The following UNC93A variants were observed in gnomAD, a reference collection of about 807,000 sequenced individuals.
The protein encoded by UNC93A is unc-93 homolog A.
In UNC93A, 43 loss-of-function variants were observed where a neutral mutation model predicts 47.5. The ratio of observed to expected loss-of-function variants is 0.91; its 90% CI spans 0.71 to 1.17. UNC93A has a LOEUF of 1.17. Among genes scored for constraint, UNC93A ranks in the 50% most tolerant of loss-of-function variants. The probability of loss-of-function intolerance (pLI) is 0.00; values close to 1 mark genes in which losing one functional copy is unlikely to be tolerated. For missense variants in UNC93A, 605 were observed against 577.6 expected, an observed-to-expected ratio of 1.05 and a Z score of -0.49; for synonymous variants, 280 against 258.0, an observed-to-expected ratio of 1.09 and a Z score of -0.82.
rs775056459 is a variant in UNC93A, at chr6:167,303,868, C to T, written c.626-51C>T. 17 of 1,591,968 alleles carry T rather than the reference C, an allele frequency of 1.1e-5. No homozygotes were observed. In the East Asian group the frequency reaches 2.0e-4, roughly 19 times the overall value. On this transcript the variant is annotated intron_variant, in intron 4 of 7. Transcript: ENST00000230256. Reference sequence around the variant, plus strand: ...GACTGAAACAAATCCTTGCCAGGCACCCTGCCTCTGGGCCCCCATGAAAGC... The same window carrying T: ...GACTGAAACAAATCCTTGCCAGGCATCCTGCCTCTGGGCCCCCATGAAAGC...
In UNC93A at chr6:167,307,869, T is replaced by C. The variant is rs1330363153; in HGVS notation, c.1067T>C (p.Leu356Pro). The change falls in exon 7 of 8, where the codon CTG becomes CCG. Residue 356 changes from leucine to proline, a missense_variant. Coordinates refer to ENST00000230256, the MANE Select transcript of UNC93A (RefSeq NM_018974.4). ...GCAGTGTTCTTCGTATTCTCTGGCC[T>C]GTGGGGCGTGGCAGATGCCGTCTGG... is the stretch of plus-strand genomic sequence containing the variant. ...HLAVFFVFSG[L>P]WGVADAVWQT... is the part of the protein sequence containing the mutation. 1.6e-5 allele frequency: 26 copies of C among 1,613,862 alleles called. No homozygotes were observed. The highest frequency in any genetic ancestry group is 1.7e-5 in the Admixed American group (1 of 60,006).
chr6:167,301,016 A>T (rs143281743), intron 4 of UNC93A, among the ~76,000 whole-genome samples: 1 of 152,280 alleles, frequency 6.6e-6, no homozygotes, highest in Non-Finnish European at 1.5e-5. Flanking sequence ...GGAAAAAGCC[A>T]TAGACAACAT....
At chr6:167,292,981 G>GGAC (rs2115113703) in intron 1 of UNC93A, among the ~76,000 whole-genome samples, 1 of 152,280 alleles carries the variant, frequency 6.6e-6, no homozygotes, top group South Asian at 2.1e-4. Context: ...CTCAGCCACT[G>GGAC]TCTGAAAATT....
chr6:167,276,842 T>A lies in UNC93A; in HGVS notation c.-52+5384T>A, dbSNP rs1783552418. ...TCGTGGCCATCCCTGTCATCACACCTGGTTTCTGCTTTGACCTTTGGTACC... is the reference window on the plus strand; with the variant it reads ...TCGTGGCCATCCCTGTCATCACACCAGGTTTCTGCTTTGACCTTTGGTACC... On this transcript the variant is annotated intron_variant, in intron 1 of 3. Transcript: ENST00000503433. Among the ~76,000 whole-genome samples the A allele has an allele frequency of 1.3e-5, 2 of 152,256 alleles. 1 individual carries two copies. Among genetic ancestry groups the A allele is most frequent in the South Asian group, 4.1e-4 (2 of 4,834 alleles).
Position 167,305,923 on chromosome 6 carries a change from C to T in UNC93A, c.849C>T (p.Val283=), listed in dbSNP as rs1778373227. 1 of 1,614,152 alleles carries T rather than the reference C, an allele frequency of 6.2e-7. No homozygotes were observed. Among genetic ancestry groups the T allele is most frequent in the African/African-American group, 1.3e-5 (1 of 75,038 alleles). The change falls in exon 6 of 8, where the codon GTC becomes GTT. Residue 283 remains valine, a synonymous_variant. Coordinates refer to ENST00000230256, the MANE Select transcript of UNC93A (RefSeq NM_018974.4). ...TGCACCCCTCTCCCCAGTCCTATGT[C>T]ACCTGCACCCTGGGCATCCAGTTCG... ...FLSSEYTRSY[V]TCTLGIQFVG... is the part of the protein sequence containing the mutation.
chr6:167,313,336 T>G (rs1778607800), intron 7 of UNC93A, among the ~76,000 whole-genome samples: 2 of 152,110 alleles, frequency 1.3e-5, no homozygotes, highest in Admixed American at 1.3e-4. Context: ...GGTCCAGATT[T>G]TGGAACCAGA....
chr6:167,285,032 G>A (rs1430887728), intron 1 of UNC93A, among the ~76,000 whole-genome samples: 2 of 151,566 alleles, frequency 1.3e-5, no homozygotes, highest in Non-Finnish European at 2.9e-5. Context: ...TTTTCTCCTC[G>A]GCTGTGCCAG....
At chr6:167,309,260 C>G (rs1017413497) in intron 7 of UNC93A, among the ~76,000 whole-genome samples, 1 of 152,162 alleles carries the variant, frequency 6.6e-6, no homozygotes, top group Non-Finnish European at 1.5e-5. Flanking sequence ...CAAGGAGATG[C>G]GTGAGAGCGT....
At position 167,294,962 on chromosome 6, in the gene UNC93A, C is replaced by G. The variant is rs1778012897; in HGVS notation, c.269+264C>G. Among the ~76,000 whole-genome samples the G allele has an allele frequency of 2.0e-5, 3 of 152,164 alleles. No individual in the cohort carries two copies. In the East Asian group the frequency reaches 5.8e-4, roughly 29 times the overall value. ...CCCGATGCTGGCCTCTCCCTGGGAT[C>G]CGTCCTGGTCCTCAGCTCCCCTGGC... On this transcript the variant is annotated intron_variant, in intron 2 of 7. Coordinates refer to ENST00000230256, the MANE Select transcript of UNC93A (RefSeq NM_018974.4).
In UNC93A at chr6:167,293,509, G is replaced by A. The variant is rs544126984; in HGVS notation, c.88-1008G>A. On this transcript the variant is annotated intron_variant, in intron 1 of 7. Coordinates refer to ENST00000230256, the MANE Select transcript of UNC93A (RefSeq NM_018974.4). The stretch of plus-strand genomic sequence containing the variant: ...AGGACTGGCATGGGCAACACAGAGT[G>A]TTCAGATAGAAGTGACTCAGGATTG... Among the ~76,000 whole-genome samples the A allele has an allele frequency of 1.8e-4, 27 of 152,272 alleles. No individual in the cohort carries two copies. The South Asian group carries it at 5.6e-3, about 32-fold the overall frequency.
intron 5 of UNC93A, 99 bp from the exon 6 acceptor site, chr6:167,305,816 C>A (rs983185359): frequency 6.5e-7 from 1 of 1,545,510 alleles, no homozygotes; most frequent in African/African-American, 1.4e-5. Flanking sequence ...GCCTGCTGGC[C>A]ATCTCAGAGC....
intron 1 of UNC93A, among the ~76,000 whole-genome samples, chr6:167,284,640 T>C (rs1783690443): frequency 6.6e-6 from 1 of 152,290 alleles, no homozygotes; most frequent in Non-Finnish European, 1.5e-5. Context: ...TCAATATCAT[T>C]CATTAACTGA....
In UNC93A at chr6:167,272,931, C is replaced by T. The variant is rs117956574; in HGVS notation, c.-52+1473C>T. ...TGAGGTCTGTCCGGCCCCCACTTCC[C>T]GTCGTGGCCTGAACCAGACTCTCAG... On this transcript the variant is annotated intron_variant, in intron 1 of 3. Transcript: ENST00000503433. Among the ~76,000 whole-genome samples, 1,148 of 152,166 alleles carry T rather than the reference C, an allele frequency of 7.5e-3. 7 individuals carry two copies. The highest frequency in any genetic ancestry group is 0.041 in the Middle Eastern group (12 of 294).
intron 7 of UNC93A, among the ~76,000 whole-genome samples, chr6:167,313,732 G>T (rs1244362952): frequency 1.3e-5 from 2 of 152,092 alleles, no homozygotes; most frequent in Admixed American, 6.5e-5. Context: ...TTTAGCCACA[G>T]AACATGGCAT....
At position 167,303,941 on chromosome 6, in the gene UNC93A, G is replaced by A. The variant is rs1313696241; in HGVS notation, c.648G>A (p.Leu216=). 1 of 1,613,676 alleles carries A rather than the reference G, an allele frequency of 6.2e-7. No homozygotes were observed. The highest frequency in any genetic ancestry group is 1.3e-5 in the African/African-American group (1 of 74,756). Residue 216 remains leucine (L), a synonymous_variant, in exon 5 of 8, where the codon CTG becomes CTA. Transcript: ENST00000230256. ...CAGGGAGTGGTGTCCTGGCTGTCCT[G>A]ATGATAGCTGCGTTCCTCCAACCCA... ...IYTGSGVLAV[L]MIAAFLQPIR...
upstream of UNC93A, among the ~76,000 whole-genome samples, chr6:167,290,242 G>A (rs1783817839): frequency 6.6e-6 from 1 of 152,292 alleles, no homozygotes; most frequent in South Asian, 2.1e-4. Flanking sequence ...AAGCATGATA[G>A]TCCATGTTTA....
At chr6:167,281,556 T>C (rs1783634128) in intron 1 of UNC93A, among the ~76,000 whole-genome samples, 1 of 152,148 alleles carries the variant, frequency 6.6e-6, no homozygotes, top group Non-Finnish European at 1.5e-5. Context: ...GGAGAGAGTA[T>C]GTGCAGGAGC....
intron 1 of UNC93A, among the ~76,000 whole-genome samples, chr6:167,277,734 T>C (rs1783567373): frequency 6.6e-6 from 1 of 151,920 alleles, no homozygotes; most frequent in African/African-American, 2.4e-5. Flanking sequence ...TCTCTATAAC[T>C]CTTTCTGTCT....
chr6:167,295,365 C>T lies in UNC93A; in HGVS notation c.269+667C>T, dbSNP rs146247750. 3.4e-3 allele frequency among the ~76,000 whole-genome samples: 513 copies of T among 152,344 alleles called. 15 individuals carry two copies. Among genetic ancestry groups the T allele is most frequent in the Admixed American group, 0.028 (433 of 15,308 alleles). ...GAGCCGGTCACTAGGTCTTTTTAAC[C>T]GGGGCTGTCCCTCGGCCTCCCTCGT... On this transcript the variant is annotated intron_variant, in intron 2 of 7. Coordinates refer to ENST00000230256, the MANE Select transcript of UNC93A (RefSeq NM_018974.4).
Sources: gnomAD v4.1 joint callset for allele counts (sites outside exome capture counted in the v4.1 genomes callset) on GRCh38, gnomAD v4.1.1 for gene constraint, MANE v1.5 for transcripts, NCBI Gene and HGNC (gene_info 2026-07-23, HGNC 2026-07-21) for gene names.